The following CSF1R variants were observed in gnomAD, a reference collection of about 807,000 sequenced individuals.
CSF1R encodes the protein macrophage colony-stimulating factor 1 receptor.
In CSF1R, 40 loss-of-function variants were observed where a neutral mutation model predicts 110.0. The observed-to-expected ratio is 0.36, with a 90% confidence interval of 0.28 to 0.47. CSF1R has a LOEUF of 0.47. Ranked by LOEUF, CSF1R falls within the 20% of genes least tolerant of loss-of-function variation. The pLI, the probability that CSF1R is intolerant of heterozygous loss-of-function variation, is 0.99. For missense variants in CSF1R, 1,052 were observed against 1,253.0 expected, an observed-to-expected ratio of 0.84 and a Z score of 2.42; for synonymous variants, 523 against 503.4, an observed-to-expected ratio of 1.04 and a Z score of -0.52.
intron 1 of CSF1R, among the ~76,000 whole-genome samples, chr5:150,084,721 G>C (rs1758756785): frequency 6.6e-6 from 1 of 151,854 alleles, no homozygotes; most frequent in Non-Finnish European, 1.5e-5. Context: ...CAGAGTGCTG[G>C]GATTACAGGT....
intron 6 of CSF1R, among the ~76,000 whole-genome samples, chr5:150,072,825 A>T (rs181125947): frequency 6.6e-6 from 1 of 152,330 alleles, no homozygotes; most frequent in African/African-American, 2.4e-5. Context: ...GGGTGATCAC[A>T]ATCCTTTAAA....
At chr5:150,105,611 C>T (rs553007744) in intron 1 of CSF1R, among the ~76,000 whole-genome samples, 1 of 151,898 alleles carries the variant, frequency 6.6e-6, no homozygotes, top group Admixed American at 6.6e-5. Context: ...AAGCCTCAAA[C>T]TCCTGGGCTC....
At position 150,099,321 on chromosome 5, in the gene CSF1R, A is replaced by G. The variant is rs1759327951; in HGVS notation, c.-180-12714T>C. 4.6e-5 allele frequency among the ~76,000 whole-genome samples: 7 copies of G among 152,306 alleles called. No homozygotes were observed. In the South Asian group the frequency reaches 1.2e-3, roughly 27 times the overall value. ...TTATAAAGTTAAAAAGGAAACTTTTACCATAATTCATAACTTTAAAAAGAA... is the reference window on the plus strand; with the variant it reads ...TTATAAAGTTAAAAAGGAAACTTTTGCCATAATTCATAACTTTAAAAAGAA... On this transcript the variant is annotated intron_variant, in intron 1 of 21. Transcript: ENST00000286301.
At chr5:150,082,186 A>G (rs1390883953) in intron 1 of CSF1R, among the ~76,000 whole-genome samples, 1 of 151,962 alleles carries the variant, frequency 6.6e-6, no homozygotes, top group African/African-American at 2.4e-5. Context: ...TGGCCATCCA[A>G]CTCCTCAGCT....
intron 5 of CSF1R, among the ~76,000 whole-genome samples, chr5:150,075,890 A>G (rs1758239009): frequency 6.6e-6 from 1 of 152,242 alleles, no homozygotes; most frequent in African/African-American, 2.4e-5. Flanking sequence ...GGTCCACAGC[A>G]GAGCTCACAA....
chr5:150,067,978 C>CT (rs1425047640), intron 10 of CSF1R, among the ~76,000 whole-genome samples: 2 of 152,162 alleles, frequency 1.3e-5, no homozygotes, highest in Non-Finnish European at 2.9e-5. Context: ...TGTGCCCTTG[C>CT]TTTAATGGCT....
Position 150,061,939 on chromosome 5 carries a change from A to G in CSF1R, c.1627-90T>C. ...GACCCCCAAGAGCAGGGGTGTGGGC[A>G]GTCCCAAGGCGCCCAGTGGGAGAAG... On this transcript the variant is annotated intron_variant, in intron 10 of 20. Coordinates refer to ENST00000675795, the MANE Select transcript of CSF1R (RefSeq NM_001288705.3). 1.9e-6 allele frequency: 3 copies of G among 1,580,202 alleles called. No individual in the cohort carries two copies. In the South Asian group the frequency reaches 3.4e-5, roughly 18 times the overall value.
At chr5:150,077,992 C>T in intron 4 of CSF1R, 120 bp downstream of exon 4, 1 of 1,318,184 alleles carries the variant, frequency 7.6e-7, no homozygotes, top group Non-Finnish European at 1.1e-6. Context: ...TCTCTGGAGT[C>T]TGAGCTGTGC....
In CSF1R at chr5:150,105,364, AT is replaced by A. The variant is rs1359168804; in HGVS notation, c.-181+7896del. On this transcript the variant is annotated intron_variant, in intron 1 of 21. Coordinates refer to the CSF1R transcript ENST00000286301. ...CTCTGTCTCAAAAAAAAAAAAAAAA[AT>A]ATATATATATATATATATATTTTTT... Among the ~76,000 whole-genome samples, 729 of 79,262 alleles carry A rather than the reference AT, an allele frequency of 9.2e-3. 5 individuals carry two copies. The highest frequency in any genetic ancestry group is 0.013 in the African/African-American group (272 of 21,188). The allele number at this position is 79,262 out of a possible 152,430, so 52.0% of individuals were successfully genotyped here.
intron 16 of CSF1R, 103 bp downstream of exon 16, chr5:150,057,184 A>AC (rs1561906552): frequency 2.2e-6 from 2 of 925,988 alleles, no homozygotes; most frequent in Non-Finnish European, 1.7e-6. Flanking sequence ...CTCCTCCCCT[A>AC]CCCCCTCACA....
intron 1 of CSF1R, among the ~76,000 whole-genome samples, chr5:150,084,599 C>T (rs1027764850): frequency 1.3e-5 from 2 of 151,588 alleles, no homozygotes; most frequent in Admixed American, 6.6e-5. Flanking sequence ...ACTACAGGAA[C>T]CCACCACCAC....
Position 150,104,563 on chromosome 5 carries a change from G to A in CSF1R, c.-181+8698C>T, listed in dbSNP as rs77647608. ...GTGCTCACTATGTGAAAGGCAGCACGCCCAGTGCTCTTTGGAATTTTCTCA... is the reference window on the plus strand; with the variant it reads ...GTGCTCACTATGTGAAAGGCAGCACACCCAGTGCTCTTTGGAATTTTCTCA... On this transcript the variant is annotated intron_variant, in intron 1 of 21. Coordinates refer to the CSF1R transcript ENST00000286301. Among the ~76,000 whole-genome samples, 843 of 152,320 alleles carry A rather than the reference G, an allele frequency of 5.5e-3. 4 individuals carry two copies. The highest frequency in any genetic ancestry group is 0.019 in the African/African-American group (793 of 41,580).
At chr5:150,105,462 C>T (rs1262688139) in intron 1 of CSF1R, among the ~76,000 whole-genome samples, 5 of 149,538 alleles carry the variant, frequency 3.3e-5, no homozygotes, top group African/African-American at 7.4e-5. Flanking sequence ...GTGATCTGCC[C>T]GTTTTGGCTT....
In CSF1R at chr5:150,111,541, C is replaced by T. The variant is rs578205737; in HGVS notation, c.-181+1720G>A. 2.0e-5 allele frequency among the ~76,000 whole-genome samples: 3 copies of T among 152,320 alleles called. No homozygotes were observed. In the South Asian group the frequency reaches 6.2e-4, roughly 32 times the overall value. On this transcript the variant is annotated intron_variant, in intron 1 of 21. Transcript: ENST00000286301. ...CTTTCCTTTCTCATCCAGTCCTTTC[C>T]TATCCTTTCTCTTGGGGAAACACAG...
chr5:150,111,099 T>C (rs1206354443), intron 1 of CSF1R, among the ~76,000 whole-genome samples: 1 of 152,192 alleles, frequency 6.6e-6, no homozygotes, highest in Non-Finnish European at 1.5e-5. Context: ...AATTTTTAAT[T>C]GCAAAACCGA....
At chr5:150,110,469 TTAAA>T (rs2113872606) in intron 1 of CSF1R, among the ~76,000 whole-genome samples, 1 of 152,364 alleles carries the variant, frequency 6.6e-6, no homozygotes, top group South Asian at 2.1e-4. Context: ...CTGACATTGG[TTAAA>T]TAATGTCTGG....
chr5:150,111,250 T>C (rs531340364), intron 1 of CSF1R, among the ~76,000 whole-genome samples: 12 of 152,140 alleles, frequency 7.9e-5, no homozygotes, highest in Non-Finnish European at 1.6e-4. Context: ...TCTTTCCCTC[T>C]TTTTCCAGGA....
chr5:150,086,952 C>T (rs929343173), upstream of CSF1R, among the ~76,000 whole-genome samples: 1 of 152,176 alleles, frequency 6.6e-6, no homozygotes, highest in African/African-American at 2.4e-5. Context: ...CTTGGAATCT[C>T]CAAAGTAATG....
chr5:150,078,344 G>C (rs2113827329), intron 3 of CSF1R, 96 bp from the exon 4 acceptor site: 1 of 1,483,024 alleles, frequency 6.7e-7, no homozygotes, highest in South Asian at 1.3e-5. Flanking sequence ...ACACAGGCCA[G>C]GGTCCCCATC....
Sources: gnomAD v4.1 joint callset for allele counts (sites outside exome capture counted in the v4.1 genomes callset) on GRCh38, gnomAD v4.1.1 for gene constraint, MANE v1.5 for transcripts, NCBI Gene and HGNC (gene_info 2026-07-23, HGNC 2026-07-21) for gene names.